The following DENND4C variants were observed in gnomAD, a reference collection of about 807,000 sequenced individuals.
DENND4C encodes the protein DENN domain containing 4C, also known as DENN domain-containing protein 4C.
DENND4C carries 108 observed loss-of-function variants against 203.0 expected under a neutral mutation model. The ratio of observed to expected loss-of-function variants is 0.53; its 90% CI spans 0.46 to 0.62. The LOEUF (loss-of-function observed/expected upper bound fraction) is 0.62, where lower values mean the gene tolerates loss of function less well. Ranked by LOEUF, DENND4C falls within the 20% of genes least tolerant of loss-of-function variation. The probability of loss-of-function intolerance (pLI) is 0.00; values close to 1 mark genes in which losing one functional copy is unlikely to be tolerated. For missense variants in DENND4C, 2,481 were observed against 2,301.2 expected, an observed-to-expected ratio of 1.08 and a Z score of -1.60; for synonymous variants, 871 against 792.4, an observed-to-expected ratio of 1.10 and a Z score of -1.67.
intron 1 of DENND4C, among the ~76,000 whole-genome samples, chr9:19,256,309 G>GTTTTTTTTTTTTTTTTTTTTTTTTTT (rs1165191635): frequency 1.2e-5 from 1 of 84,878 alleles, no homozygotes; most frequent in Non-Finnish European, 2.2e-5. Context: ...TTTTTTTTTT[G>GTTTTTTTTTTTTTTTTTTTTTTTTTT]TTTTTTTTTT....
chr9:19,256,432 G>T (rs1224083801), intron 1 of DENND4C, among the ~76,000 whole-genome samples: 1 of 148,964 alleles, frequency 6.7e-6, no homozygotes, highest in African/African-American at 2.5e-5. Flanking sequence ...TTCTCCTGTC[G>T]CAGCCTCCCG....
chr9:19,332,339 T>G (rs540215661), intron 17 of DENND4C, among the ~76,000 whole-genome samples, 155 bp downstream of exon 17: 99 of 152,124 alleles, frequency 6.5e-4, no homozygotes, highest in Middle Eastern at 3.4e-3. Flanking sequence ...TGCATATTAC[T>G]TGTTTATTTT....
chr9:19,238,091 T>C (rs1482120932), intron 1 of DENND4C, among the ~76,000 whole-genome samples: 3 of 151,528 alleles, frequency 2.0e-5, no homozygotes, highest in Admixed American at 6.6e-5. Flanking sequence ...TTCTTTTTTT[T>C]TTTTTTTTGA....
intron 30 of DENND4C, among the ~76,000 whole-genome samples, chr9:19,365,717 A>G (rs887048363): frequency 6.6e-6 from 1 of 151,458 alleles, no homozygotes; most frequent in African/African-American, 2.4e-5. Flanking sequence ...TTAGAACTGC[A>G]TAAGTTCAGC....
intron 1 of DENND4C, among the ~76,000 whole-genome samples, chr9:19,240,890 G>A (rs922144850): frequency 6.6e-6 from 1 of 152,018 alleles, no homozygotes; most frequent in Non-Finnish European, 1.5e-5. Context: ...TTGAACCCAG[G>A]AGGCAGAGGT....
At chr9:19,296,349 C>T (rs968105937) in intron 6 of DENND4C, 103 bp downstream of exon 6, 11 of 769,618 alleles carry the variant, frequency 1.4e-5, no homozygotes, top group African/African-American at 3.5e-5. Context: ...GGAAGGAAGC[C>T]TGCATTTAAC....
At chr9:19,244,734 C>T (rs1399774085) in intron 1 of DENND4C, among the ~76,000 whole-genome samples, 2 of 78,404 alleles carry the variant, frequency 2.6e-5, no homozygotes, top group Non-Finnish European at 6.0e-5. Context: ...AGCGAGACCC[C>T]ACCTCAAAAA....
chr9:19,262,528 T>A (rs1050506187), intron 1 of DENND4C, among the ~76,000 whole-genome samples: 1 of 150,210 alleles, frequency 6.7e-6, no homozygotes, highest in Non-Finnish European at 1.5e-5. Flanking sequence ...ACCTCCCAGG[T>A]TCACATGATT....
intron 23 of DENND4C, among the ~76,000 whole-genome samples, chr9:19,349,777 G>C (rs1823672653): frequency 6.6e-6 from 1 of 152,142 alleles, no homozygotes; most frequent in African/African-American, 2.4e-5. Flanking sequence ...CAGTAAAACA[G>C]ATTAGTTCAC....
intron 10 of DENND4C, among the ~76,000 whole-genome samples, chr9:19,312,536 A>G (rs1036557651): frequency 6.6e-6 from 1 of 152,258 alleles, no homozygotes; most frequent in African/African-American, 2.4e-5. Context: ...ACATTAAAAT[A>G]TGCACAAGAA....
At chr9:19,271,201 C>CCTT (rs1564105379) in intron 1 of DENND4C, among the ~76,000 whole-genome samples, 11 of 129,064 alleles carry the variant, frequency 8.5e-5, no homozygotes, top group South Asian at 2.5e-4. Flanking sequence ...AATATGGATT[C>CCTT]TTTTTTTTTT....
chr9:19,265,679 C>G (rs1336299121), intron 1 of DENND4C, among the ~76,000 whole-genome samples: 1 of 152,118 alleles, frequency 6.6e-6, no homozygotes, highest in Non-Finnish European at 1.5e-5. Context: ...GTTCAATTCC[C>G]ACCTATAAGT....
intron 1 of DENND4C, among the ~76,000 whole-genome samples, chr9:19,263,287 C>A (rs951619933): frequency 1.3e-5 from 2 of 151,938 alleles, no homozygotes; most frequent in Admixed American, 6.6e-5. Flanking sequence ...GTTTAAATCC[C>A]ACAGGGTCAT....
intron 30 of DENND4C, among the ~76,000 whole-genome samples, chr9:19,367,827 A>G (rs1378678113): frequency 6.6e-6 from 1 of 152,256 alleles, no homozygotes; most frequent in African/African-American, 2.4e-5. Flanking sequence ...AAAACAATGA[A>G]GTACTGATAT....
intron 5 of DENND4C, among the ~76,000 whole-genome samples, chr9:19,294,163 T>C (rs1361659546): frequency 2.0e-5 from 3 of 152,052 alleles, no homozygotes; most frequent in Non-Finnish European, 4.4e-5. Flanking sequence ...AAGATTTGTG[T>C]TTTGTTAGTA....
chr9:19,298,682 G>T (rs1281979143), intron 7 of DENND4C, among the ~76,000 whole-genome samples: 1 of 152,064 alleles, frequency 6.6e-6, no homozygotes, highest in Non-Finnish European at 1.5e-5. Context: ...TTAATGGTTT[G>T]CTCTTCATTT....
intron 9 of DENND4C, among the ~76,000 whole-genome samples, chr9:19,305,062 A>T (rs566430766): frequency 6.6e-6 from 1 of 152,210 alleles, no homozygotes; most frequent in Non-Finnish European, 1.5e-5. Flanking sequence ...GATTCTTTCC[A>T]TAAAATTGGA....
intron 2 of DENND4C, among the ~76,000 whole-genome samples, chr9:19,278,740 T>C (rs1376501603): frequency 6.6e-6 from 1 of 152,214 alleles, no homozygotes; most frequent in Non-Finnish European, 1.5e-5. Context: ...TACTGTAGTT[T>C]TCCTTCAAGT....
Position 19,352,503 on chromosome 9 carries a change from G to A in DENND4C, c.4619G>A (p.Ser1540Asn). Residue 1540 changes from serine to asparagine, a missense_variant, in exon 26 of 33, where the codon AGT becomes AAT. By Grantham distance (46) the Ser-to-Asn change is conservative. Around this residue, in one of 3 missense-constraint regions of DENND4C, gnomAD observed 2,289 missense variants for 2,113.3 expected, o/e 1.08. Coordinates refer to ENST00000434457, the MANE Select transcript of DENND4C (RefSeq NM_001330640.2). ...TTCTGTTTTTAGGTTTTGATGTCCA[G>A]TTGTTCACAGTGTAGAGCTTGTGGA... ...QNCAMEVLMSSCSQCRACGAL... is the reference protein window; with the variant it reads ...QNCAMEVLMSNCSQCRACGAL... The A allele has an allele frequency of 6.3e-7, 1 of 1,590,104 alleles. No individual in the cohort carries two copies. The highest frequency in any genetic ancestry group is 8.6e-7 in the Non-Finnish European group (1 of 1,168,726).
Sources: gnomAD v4.1 joint callset for allele counts (sites outside exome capture counted in the v4.1 genomes callset) on GRCh38, gnomAD v4.1.1 for gene constraint, gnomAD v4.1.1 regional missense constraint, MANE v1.5 for transcripts, NCBI Gene and HGNC (gene_info 2026-07-23, HGNC 2026-07-21) for gene names.